The following GMDS variants were observed in gnomAD, a reference collection of about 807,000 sequenced individuals.
GMDS encodes GDP-mannose 4,6-dehydratase.
In GMDS, 20 loss-of-function variants were observed where a neutral mutation model predicts 49.9. That is an observed-to-expected ratio of 0.40 (90% confidence interval 0.28 to 0.58). The LOEUF (loss-of-function observed/expected upper bound fraction) is 0.58, where lower values mean the gene tolerates loss of function less well. GMDS is among the 20% of genes least tolerant of loss of function. GMDS has a pLI of 0.42. For synonymous variants in GMDS, 177 were observed against 178.6 expected, an observed-to-expected ratio of 0.99 and a Z score of 0.07; for missense variants, 362 against 481.4, an observed-to-expected ratio of 0.75 and a Z score of 2.32.
intron 1 of GMDS, among the ~76,000 whole-genome samples, chr6:2,183,281 T>C (rs1778637146): frequency 6.6e-6 from 1 of 152,264 alleles, no homozygotes; most frequent in African/African-American, 2.4e-5. Context: ...TCATGATTCA[T>C]GGAAAAGGGT....
At chr6:2,229,892 A>T (rs561140316) in intron 1 of GMDS, among the ~76,000 whole-genome samples, 1 of 152,320 alleles carries the variant, frequency 6.6e-6, no homozygotes, top group African/African-American at 2.4e-5. Context: ...TCTACCTGTA[A>T]ACCTCGAAGG....
chr6:1,786,934 C>T (rs188964253), intron 7 of GMDS, among the ~76,000 whole-genome samples: 75 of 152,190 alleles, frequency 4.9e-4, no homozygotes, highest in Admixed American at 1.6e-3. Context: ...GACCATGAGC[C>T]ACCTCACACG....
intron 1 of GMDS, among the ~76,000 whole-genome samples, chr6:2,151,122 G>C (rs1452361712): frequency 6.6e-6 from 1 of 151,986 alleles, no homozygotes; most frequent in African/African-American, 2.4e-5. Context: ...GCACAACAGG[G>C]AGACAATCAT....
At chr6:1,925,959 C>T (rs1761982986) in intron 7 of GMDS, among the ~76,000 whole-genome samples, 1 of 152,152 alleles carries the variant, frequency 6.6e-6, no homozygotes, top group African/African-American at 2.4e-5. Flanking sequence ...CGAGAGCATA[C>T]CAACAGGCAC....
At chr6:2,130,982 G>A (rs112590902) in intron 1 of GMDS, among the ~76,000 whole-genome samples, 19 of 151,894 alleles carry the variant, frequency 1.3e-4, no homozygotes, top group African/African-American at 4.3e-4. Context: ...CTAGTAGGCT[G>A]TGTTTTACCA....
chr6:2,016,817 C>T (rs888909915), intron 4 of GMDS, among the ~76,000 whole-genome samples: 4 of 151,768 alleles, frequency 2.6e-5, no homozygotes, highest in Non-Finnish European at 5.9e-5. Context: ...TCTAAATAAC[C>T]CATGGGTCAA....
intron 7 of GMDS, among the ~76,000 whole-genome samples, chr6:1,879,269 G>A (rs570227579): frequency 6.6e-6 from 1 of 152,268 alleles, no homozygotes; most frequent in African/African-American, 2.4e-5. Context: ...AAGTGAGGAG[G>A]ACTTGAGCAC....
At chr6:2,104,922 C>T (rs967761369) in intron 4 of GMDS, among the ~76,000 whole-genome samples, 16 of 151,990 alleles carry the variant, frequency 1.1e-4, no homozygotes, top group African/African-American at 3.4e-4. Context: ...GTGGCTCACG[C>T]CTATAATCCC....
chr6:1,645,766 G>A (rs1177219997), intron 9 of GMDS, among the ~76,000 whole-genome samples: 1 of 152,188 alleles, frequency 6.6e-6, no homozygotes, highest in African/African-American at 2.4e-5. Flanking sequence ...CAGTGCCCAT[G>A]GCCACCGCAG....
At chr6:1,908,335 A>G (rs1364965632) in intron 7 of GMDS, among the ~76,000 whole-genome samples, 4 of 152,170 alleles carry the variant, frequency 2.6e-5, no homozygotes, top group African/African-American at 9.7e-5. Flanking sequence ...AACCGTGGAG[A>G]GTGAAACTGC....
intron 7 of GMDS, among the ~76,000 whole-genome samples, chr6:1,871,342 T>A (rs1758738799): frequency 6.6e-6 from 1 of 151,302 alleles, no homozygotes. Context: ...AAAGAGTAGG[T>A]CATTAAATAG....
chr6:2,031,773 C>T (rs1768980446), intron 4 of GMDS, among the ~76,000 whole-genome samples: 2 of 152,310 alleles, frequency 1.3e-5, no homozygotes, highest in African/African-American at 4.8e-5. Context: ...GTGGGCAAGC[C>T]TGGCGGGTAC....
At chr6:2,083,909 C>T (rs1367296900) in intron 4 of GMDS, among the ~76,000 whole-genome samples, 4 of 152,060 alleles carry the variant, frequency 2.6e-5, no homozygotes, top group Non-Finnish European at 4.4e-5. Context: ...AGAAATTATT[C>T]AACTTGAATA....
intron 4 of GMDS, among the ~76,000 whole-genome samples, chr6:2,022,165 G>C (rs1425969502): frequency 6.6e-6 from 1 of 152,066 alleles, no homozygotes. Flanking sequence ...AAAACCAGAA[G>C]GACAGGGAAC....
chr6:1,966,524 C>A (rs756822392), intron 4 of GMDS, among the ~76,000 whole-genome samples: 38 of 152,312 alleles, frequency 2.5e-4, no homozygotes, highest in Admixed American at 9.2e-4. Context: ...CCAGTGCCTG[C>A]AGGTCTACCA....
intron 7 of GMDS, among the ~76,000 whole-genome samples, chr6:1,869,083 T>C (rs146507727): frequency 3.0e-4 from 46 of 152,318 alleles, no homozygotes; most frequent in East Asian, 5.8e-4. Context: ...AGCACCATCT[T>C]GTCACTCTCT....
rs929476708 is a variant in GMDS at position 2,032,039 on chromosome 6, T to C, written c.346-71073A>G. Among the ~76,000 whole-genome samples, 6 of 152,262 alleles carry C rather than the reference T, an allele frequency of 3.9e-5. No individual in the cohort carries two copies. In the East Asian group the frequency reaches 9.6e-4, roughly 24 times the overall value. ...TATAATCAGAACTTATTATTGAAAA[T>C]GGGCACACACAAAGATCCATAAAGA... On this transcript the variant is annotated intron_variant, in intron 4 of 10. Coordinates refer to ENST00000380815, the MANE Select transcript of GMDS (RefSeq NM_001500.4).
chr6:1,812,901 T>G (rs1770497707), intron 7 of GMDS, among the ~76,000 whole-genome samples: 1 of 152,212 alleles, frequency 6.6e-6, no homozygotes, highest in African/African-American at 2.4e-5. Flanking sequence ...TTGCTTTATC[T>G]TTTTTATTAT....
chr6:1,803,389 T>G lies in GMDS; in HGVS notation c.772-60803A>C, dbSNP rs909030838. Among the ~76,000 whole-genome samples the G allele has an allele frequency of 2.3e-4, 35 of 151,340 alleles. 1 individual carries two copies. The East Asian group carries it at 6.9e-3, about 30-fold the overall frequency. On this transcript the variant is annotated intron_variant, in intron 7 of 10. Coordinates refer to ENST00000380815, the MANE Select transcript of GMDS (RefSeq NM_001500.4). ...TTTTCTGCTTTATGAAAACCACAAT[T>G]TTTTTTTTCTTTTTTCCGTCTCTCC...
Sources: allele counts gnomAD v4.1 joint callset (sites outside exome capture counted in the v4.1 genomes callset), GRCh38; gene constraint gnomAD v4.1.1; transcripts MANE v1.5; gene names NCBI Gene and HGNC (gene_info 2026-07-23, HGNC 2026-07-21).